DLG2: variants seen among roughly 807,000 people sequenced by gnomAD.
DLG2 encodes the protein discs large MAGUK scaffold protein 2.
A neutral mutation model predicts 132.5 loss-of-function variants in DLG2; 45 were observed. The ratio of observed to expected loss-of-function variants is 0.34; its 90% confidence interval spans 0.27 to 0.44. DLG2 has a LOEUF of 0.44. Among genes scored for constraint, DLG2 ranks in the 20% least tolerant of loss-of-function variants. The pLI is 1.00. For synonymous variants in DLG2, 424 were observed against 419.6 expected, an observed-to-expected ratio of 1.01 and a Z score of -0.13; for missense variants, 1,045 against 1,196.9, an observed-to-expected ratio of 0.87 and a Z score of 1.87.
chr11:84,164,624 G>A (rs2095620836), intron 8 of DLG2, among the ~76,000 whole-genome samples: 1 of 152,196 alleles, frequency 6.6e-6, no homozygotes, highest in African/African-American at 2.4e-5. Context: ...ACTGAACTAA[G>A]TAATTAATTT....
At chr11:85,500,774 C>G (rs1397275046) in intron 3 of DLG2, among the ~76,000 whole-genome samples, 1 of 152,018 alleles carries the variant, frequency 6.6e-6, no homozygotes, top group Non-Finnish European at 1.5e-5. Context: ...AGAGAGGACA[C>G]AAACAAATGC....
chr11:83,758,558 G>T (rs1237039028), intron 18 of DLG2, among the ~76,000 whole-genome samples: 2 of 152,042 alleles, frequency 1.3e-5, no homozygotes, highest in Non-Finnish European at 2.9e-5. Context: ...CTACTTAATG[G>T]CTGGGTAATC....
At chr11:85,398,792 C>A (rs1435817774) in intron 3 of DLG2, among the ~76,000 whole-genome samples, 2 of 152,116 alleles carry the variant, frequency 1.3e-5, no homozygotes, top group Non-Finnish European at 2.9e-5. Context: ...TAATAGCCTA[C>A]TCACCAAAAA....
intron 4 of DLG2, among the ~76,000 whole-genome samples, chr11:85,195,233 G>C (rs1373515150): frequency 1.3e-5 from 2 of 152,170 alleles, no homozygotes; most frequent in East Asian, 1.9e-4. Context: ...AGGCAAAGGG[G>C]AAGAGGACAT....
intron 3 of DLG2, among the ~76,000 whole-genome samples, chr11:85,596,774 A>C (rs2079802182): frequency 6.6e-6 from 1 of 152,232 alleles, no homozygotes; most frequent in South Asian, 2.1e-4. Context: ...TAGGATGCAC[A>C]AGTCTACATG....
intron 3 of DLG2, among the ~76,000 whole-genome samples, chr11:85,422,907 G>A (rs1010198877): frequency 6.6e-6 from 1 of 151,952 alleles, no homozygotes; most frequent in African/African-American, 2.4e-5. Flanking sequence ...TCCCTGATTA[G>A]ATTAATAACT....
At position 85,274,578 on chromosome 11, in the gene DLG2, T is replaced by C. The variant is rs1489294898; in HGVS notation, c.186+10642A>G. Among the ~76,000 whole-genome samples the C allele has an allele frequency of 5.3e-5, 8 of 152,046 alleles. No homozygotes were observed. The South Asian group carries it at 8.3e-4, about 16-fold the overall frequency. ...TTACACACTGTAGGGTCTCAGAAAA[T>C]GATATCTCCAAATGAAGGGTTCACA... On this transcript the variant is annotated intron_variant, in intron 4 of 27. Coordinates refer to ENST00000376104, the MANE Select transcript of DLG2 (RefSeq NM_001142699.3).
At chr11:84,268,856 G>C (rs2097683111) in intron 7 of DLG2, among the ~76,000 whole-genome samples, 1 of 152,166 alleles carries the variant, frequency 6.6e-6, no homozygotes, top group Admixed American at 6.5e-5. Flanking sequence ...GCTTGGAACA[G>C]TGCATGGCAT....
intron 11 of DLG2, among the ~76,000 whole-genome samples, chr11:84,029,500 C>T (rs1442662488): frequency 6.6e-6 from 1 of 152,016 alleles, no homozygotes; most frequent in Non-Finnish European, 1.5e-5. Flanking sequence ...AGGGAGTGCA[C>T]TCCTCCTCCA....
intron 8 of DLG2, among the ~76,000 whole-genome samples, chr11:84,196,972 G>A (rs2096527581): frequency 7.0e-6 from 1 of 143,614 alleles, no homozygotes; most frequent in Admixed American, 7.4e-5. Context: ...AGGAGGCAGA[G>A]GTTGCAGTGA....
At chr11:83,695,033 A>G (rs1365167974) in intron 18 of DLG2, among the ~76,000 whole-genome samples, 1 of 152,256 alleles carries the variant, frequency 6.6e-6, no homozygotes, top group African/African-American at 2.4e-5. Flanking sequence ...TTCACCACCT[A>G]TAAAAGTAAG....
chr11:84,070,709 T>C (rs763530373), intron 10 of DLG2, among the ~76,000 whole-genome samples: 5 of 152,244 alleles, frequency 3.3e-5, no homozygotes, highest in Non-Finnish European at 7.3e-5. Flanking sequence ...CACTGGGTTA[T>C]AAGCTAGATA....
At chr11:85,366,541 C>T (rs2084566713) in intron 3 of DLG2, among the ~76,000 whole-genome samples, 1 of 152,072 alleles carries the variant, frequency 6.6e-6, no homozygotes, top group South Asian at 2.1e-4. Flanking sequence ...ATTAAATGGA[C>T]ATTGCATATT....
At chr11:85,078,679 C>T (rs1177245684) in intron 6 of DLG2, among the ~76,000 whole-genome samples, 1 of 151,816 alleles carries the variant, frequency 6.6e-6, no homozygotes, top group Non-Finnish European at 1.5e-5. Flanking sequence ...GAAGAAGAAA[C>T]AGGAGAGAGA....
chr11:84,988,913 G>GAAA (rs1237994768), intron 6 of DLG2, among the ~76,000 whole-genome samples: 1 of 151,394 alleles, frequency 6.6e-6, no homozygotes, highest in Non-Finnish European at 1.5e-5. Context: ...AAGAAAGAAA[G>GAAA]AAAATTCTCC....
intron 2 of DLG2, among the ~76,000 whole-genome samples, chr11:85,623,294 C>T (rs760221643): frequency 1.1e-4 from 17 of 151,612 alleles, no homozygotes; most frequent in Non-Finnish European, 1.8e-4. Flanking sequence ...AAAGAAGCTC[C>T]GAAGACAATA....
intron 15 of DLG2, among the ~76,000 whole-genome samples, chr11:83,886,478 G>C (rs975258549): frequency 1.3e-5 from 2 of 152,156 alleles, no homozygotes; most frequent in African/African-American, 4.8e-5. Context: ...AAAAGACTTA[G>C]ACTCCCACAC....
chr11:84,277,525 T>A (rs1219670672), intron 7 of DLG2, among the ~76,000 whole-genome samples: 2 of 152,148 alleles, frequency 1.3e-5, no homozygotes, highest in African/African-American at 2.4e-5. Flanking sequence ...TTGAACTGAA[T>A]GAACATAAAC....
At chr11:84,821,398 G>C (rs1461661095) in intron 6 of DLG2, among the ~76,000 whole-genome samples, 1 of 151,662 alleles carries the variant, frequency 6.6e-6, no homozygotes, top group Admixed American at 6.6e-5. Context: ...TAGAGTAGAA[G>C]AAGCCATATA....
Sources: allele counts gnomAD v4.1 joint callset (sites outside exome capture counted in the v4.1 genomes callset), GRCh38; gene constraint gnomAD v4.1.1; transcripts MANE v1.5; gene names NCBI Gene and HGNC (gene_info 2026-07-23, HGNC 2026-07-21).